SHANK1: variants seen among roughly 807,000 people sequenced by gnomAD.
The protein encoded by SHANK1 is SH3 and multiple ankyrin repeat domains protein 1.
Under a neutral mutation model 165.6 loss-of-function variants are expected in SHANK1, and 35 were observed. The ratio of observed to expected loss-of-function variants is 0.21; its 90% CI spans 0.16 to 0.28. The LOEUF is 0.28. SHANK1 is among the 10% of genes least tolerant of loss of function. The pLI is 1.00. For missense variants in SHANK1, 2,681 were observed against 3,036.4 expected, an observed-to-expected ratio of 0.88 and a Z score of 2.75; for synonymous variants, 1,428 against 1,384.8, an observed-to-expected ratio of 1.03 and a Z score of -0.69.
intron 15 of SHANK1, among the ~76,000 whole-genome samples, chr19:50,695,533 C>T (rs1378827950): frequency 6.6e-6 from 1 of 151,576 alleles, no homozygotes; most frequent in African/African-American, 2.4e-5. Flanking sequence ...TAATCCCCCT[C>T]CCCCCTCCAG....
intron 6 of SHANK1, among the ~76,000 whole-genome samples, chr19:50,712,460 T>C (rs1040809452): frequency 6.6e-6 from 1 of 152,174 alleles, no homozygotes; most frequent in Non-Finnish European, 1.5e-5. Context: ...AGGTGGGTTG[T>C]TGGGGACAAG....
In SHANK1 at chr19:50,670,722, A is replaced by T. The variant is rs569118817; in HGVS notation, c.2674+1296T>A. On this transcript the variant is annotated intron_variant, in intron 22 of 23. Coordinates refer to ENST00000293441, the MANE Select transcript of SHANK1 (RefSeq NM_016148.5). The surrounding 1 kb of genome is among the most constrained non-coding windows in gnomAD (Gnocchi z 4.1). Reference sequence around the variant, plus strand: ...CCGACCTCAGGACCTTTGCAGAGGTAGTTCGCTCTGCCTGGAATGCCTCAA... The same window carrying T: ...CCGACCTCAGGACCTTTGCAGAGGTTGTTCGCTCTGCCTGGAATGCCTCAA... Among the ~76,000 whole-genome samples the T allele has an allele frequency of 6.6e-6, 1 of 152,226 alleles. No individual in the cohort carries two copies. Among genetic ancestry groups the T allele is most frequent in the Non-Finnish European group, 1.5e-5 (1 of 68,014 alleles).
In SHANK1 at chr19:50,662,716, A is replaced by G. The variant is rs1319839954; in HGVS notation, c.5769-34T>C. On this transcript the variant is annotated intron_variant, in intron 23 of 23. Transcript: ENST00000293441. The surrounding 1 kb of genome is among the most constrained non-coding windows in gnomAD (Gnocchi z 7.7). Reference sequence around the variant, plus strand: ...TGACAAGGGGGCAGTGGGGGAGGACAGGGATTTAGGGGGCAAGGGCAGGGG... The same window carrying G: ...TGACAAGGGGGCAGTGGGGGAGGACGGGGATTTAGGGGGCAAGGGCAGGGG... The G allele has an allele frequency of 1.7e-5, 23 of 1,341,236 alleles. No individual in the cohort carries two copies. Among genetic ancestry groups the G allele is most frequent in the Non-Finnish European group, 2.2e-5 (22 of 1,006,460 alleles). The allele number at this position is 1,341,236 out of a possible 1,614,324, so 83.1% of individuals were successfully genotyped here.
At position 50,686,279 on chromosome 19, in the gene SHANK1, C is replaced by T. The variant is rs1198779088; in HGVS notation, c.2535G>A (p.Ala845=). Reference sequence around the variant, plus strand: ...CTTTGGGTCGGTGTTTGCCCAGGGACGCGAGGCCACCGGGACCAGGGCTTT... The same window carrying T: ...CTTTGGGTCGGTGTTTGCCCAGGGATGCGAGGCCACCGGGACCAGGGCTTT... The part of the protein sequence containing the change: ...ASESPGPGGL[A]SLGKHRPKGF... Residue 845 remains alanine, a synonymous_variant, in exon 21 of 24, where the codon GCG becomes GCA. Transcript: ENST00000293441. The surrounding 1 kb of genome is among the most constrained non-coding windows in gnomAD (Gnocchi z 5.7). 5 of 1,607,004 alleles carry T rather than the reference C, an allele frequency of 3.1e-6. No individual in the cohort carries two copies. Among genetic ancestry groups the T allele is most frequent in the Middle Eastern group, 1.7e-4 (1 of 6,030 alleles).
Position 50,666,406 on chromosome 19 carries a change from G to T in SHANK1, c.5554C>A (p.Pro1852Thr). The change falls in exon 23 of 24, where the codon CCC becomes ACC. Residue 1852 changes from proline to threonine, a missense_variant. Pro to Thr is a conservative substitution (Grantham distance 38). Around this residue, in one of 10 missense-constraint regions of SHANK1, gnomAD observed 1,713 missense variants for 1,630.2 expected, o/e 1.05. Transcript: ENST00000293441. ...EGPGPPPPPL[P>T]GPLAQPQASA... ...GCCTGAGGCTGGGCCAAGGGCCCGG[G>T]CAGAGGTGGTGGCGGTGGGCCCGGG... is the stretch of plus-strand genomic sequence containing the variant. The T allele has an allele frequency of 6.2e-7, 1 of 1,612,756 alleles. No homozygotes were observed. Among genetic ancestry groups the T allele is most frequent in the South Asian group, 1.1e-5 (1 of 91,010 alleles).
chr19:50,707,876 TTTTTCTTTTC>T (rs60019205), intron 8 of SHANK1, among the ~76,000 whole-genome samples: 3,127 of 94,086 alleles, frequency 0.033, 53 homozygotes, highest in East Asian at 0.075. Flanking sequence ...CTTTTGCGTG[TTTTTCTTTTC>T]TTTTCTTTTC....
Position 50,661,111 on chromosome 19 carries a change from G to C in SHANK1, c.*854C>G, listed in dbSNP as rs1985197857. ...GTGTGCAAGGGCTGAGCAAAGAGCA[G>C]GGCACTCCAGAGAATGAATGATGTG... On this transcript the variant is annotated 3_prime_UTR_variant, in exon 24 of 24. Transcript: ENST00000293441. Among the ~76,000 whole-genome samples, 1 of 152,102 alleles carries C rather than the reference G, an allele frequency of 6.6e-6. No individual in the cohort carries two copies. The highest frequency in any genetic ancestry group is 2.1e-4 in the South Asian group (1 of 4,816).
intron 23 of SHANK1, among the ~76,000 whole-genome samples, chr19:50,665,718 CAG>C (rs1477207376): frequency 9.7e-6 from 1 of 102,974 alleles, no homozygotes; most frequent in African/African-American, 4.4e-5. Flanking sequence ...AGCCGGGTGA[CAG>C]AGTGAGACCC....
Position 50,667,903 on chromosome 19 carries a change from G to T in SHANK1, c.4057C>A (p.Leu1353Met). 1 of 1,338,816 alleles carries T rather than the reference G, an allele frequency of 7.5e-7. No individual in the cohort carries two copies. The highest frequency in any genetic ancestry group is 9.5e-7 in the Non-Finnish European group (1 of 1,049,400). 82.9% of individuals were successfully genotyped at this position (1,338,816 alleles called of 1,614,324 possible). A position where few individuals can be genotyped will look rare whatever the true frequency, so the allele number is the denominator to read the frequency against. ...TGKALDPASP[L>M]GLALAARERA... ...TCGCGGGCGGCCAGGGCCAGCCCCA[G>T]CGGGGAGGCGGGATCCAGGGCCTTG... Residue 1353 changes from leucine (L) to methionine (M), a missense_variant, in exon 23 of 24, where the codon CTG (leucine) becomes ATG (methionine). Leu to Met is a conservative substitution (Grantham distance 15). Around this residue, in one of 10 missense-constraint regions of SHANK1, gnomAD observed 1,713 missense variants for 1,630.2 expected, o/e 1.05. Transcript: ENST00000293441. This position sits in a 1 kb window ranked among gnomAD's most constrained non-coding sequence, Gnocchi z 5.7.
At chr19:50,700,986 T>C (rs912774169) in intron 12 of SHANK1, among the ~76,000 whole-genome samples, 6 of 152,102 alleles carry the variant, frequency 3.9e-5, no homozygotes, top group African/African-American at 1.4e-4. Context: ...CAGTGACTTA[T>C]GACCTCACCT....
At chr19:50,701,837 A>T (rs920992282) in intron 12 of SHANK1, among the ~76,000 whole-genome samples, 1 of 152,210 alleles carries the variant, frequency 6.6e-6, no homozygotes, top group African/African-American at 2.4e-5. Flanking sequence ...AAAGCCTATA[A>T]GCAGGGGAGA....
rs1031043136 is a variant in SHANK1 at position 50,686,441 on chromosome 19, C to G, written c.2459-86G>C. The G allele has an allele frequency of 6.4e-5, 63 of 982,722 alleles. No homozygotes were observed. Among genetic ancestry groups the G allele is most frequent in the Non-Finnish European group, 9.6e-5 (62 of 648,710 alleles). The allele number at this position is 982,722 out of a possible 1,614,324, so 60.9% of individuals were successfully genotyped here. Reference sequence around the variant, plus strand: ...GGCCGCAAAGACCAGAGCTGCCGCCCGCAGTTCATCCAGCACCTGGATCAA... The same window carrying G: ...GGCCGCAAAGACCAGAGCTGCCGCCGGCAGTTCATCCAGCACCTGGATCAA... On this transcript the variant is annotated intron_variant, in intron 20 of 23. Transcript: ENST00000293441. This position sits in a 1 kb window ranked among gnomAD's most constrained non-coding sequence, Gnocchi z 5.7.
In SHANK1 at chr19:50,686,684, A is replaced by T; in HGVS notation, c.2458+60T>A. On this transcript the variant is annotated intron_variant, in intron 20 of 23. Coordinates refer to ENST00000293441, the MANE Select transcript of SHANK1 (RefSeq NM_016148.5). The surrounding 1 kb of genome is among the most constrained non-coding windows in gnomAD (Gnocchi z 5.7). ...CCGTGGGGTTCATGGTGGGACAGGGATGCAGCGGGTGCCGGGGCTGGGGCC... is the reference window on the plus strand; with the variant it reads ...CCGTGGGGTTCATGGTGGGACAGGGTTGCAGCGGGTGCCGGGGCTGGGGCC... 3 of 1,504,708 alleles carry T rather than the reference A, an allele frequency of 2.0e-6. No homozygotes were observed. The highest frequency in any genetic ancestry group is 2.8e-6 in the Non-Finnish European group (3 of 1,085,120). The allele number at this position is 1,504,708 out of a possible 1,614,324, so 93.2% of individuals were successfully genotyped here. A position where few individuals can be genotyped will look rare whatever the true frequency, so the allele number is the denominator to read the frequency against.
rs1012197713 is a variant in SHANK1, at chr19:50,667,601, G to C, written c.4359C>G (p.Pro1453=). The change falls in exon 23 of 24, where the codon CCC becomes CCG. Residue 1453 remains proline (P), a synonymous_variant. Transcript: ENST00000293441. This position sits in a 1 kb window ranked among gnomAD's most constrained non-coding sequence, Gnocchi z 5.7. ...GCTGCAGCAGGAGGGGCCCCACCCC[G>C]GGAGCGGTGGGCGGCAGGCGGTGTA... The part of the protein sequence containing the change: ...SLLHRLPPTA[P]GVGPLLLQLG... 3.5e-6 allele frequency: 5 copies of C among 1,437,522 alleles called. No homozygotes were observed. In the African/African-American group the frequency reaches 4.5e-5, roughly 13 times the overall value. 89.0% of individuals were successfully genotyped at this position (1,437,522 alleles called of 1,614,324 possible).
chr19:50,712,134 C>A lies in SHANK1; in HGVS notation c.793-20G>T, dbSNP rs1435520527. 1 of 1,556,820 alleles carries A rather than the reference C, an allele frequency of 6.4e-7. No individual in the cohort carries two copies. Among genetic ancestry groups the A allele is most frequent in the South Asian group, 1.2e-5 (1 of 81,420 alleles). On this transcript the variant is annotated intron_variant, in intron 6 of 23. Coordinates refer to ENST00000293441, the MANE Select transcript of SHANK1 (RefSeq NM_016148.5). ...GAGCGCCTAGGAACGGAGAGAGAAC[C>A]CAGTAGAAAAACACAGATGACAGTC...
chr19:50,691,472 C>T (rs893181021), intron 15 of SHANK1, among the ~76,000 whole-genome samples: 4 of 152,080 alleles, frequency 2.6e-5, no homozygotes, highest in African/African-American at 9.7e-5. Context: ...TCTCTCTTGC[C>T]CCCTCATCAG....
intron 15 of SHANK1, among the ~76,000 whole-genome samples, chr19:50,693,929 G>A (rs1429172214): frequency 1.3e-5 from 2 of 151,996 alleles, no homozygotes; most frequent in African/African-American, 2.4e-5. Flanking sequence ...TTGAAGTAGG[G>A]GCCTGTGGGG....
chr19:50,711,133 C>T, intron 8 of SHANK1: 1 of 523,608 alleles, frequency 1.9e-6, no homozygotes, highest in Non-Finnish European at 3.5e-6. Flanking sequence ...ACACTTTGTC[C>T]CCAGCACCCA....
rs747776990 is a variant in SHANK1, at chr19:50,668,322, G to A, written c.3638C>T (p.Pro1213Leu). The A allele has an allele frequency of 9.4e-5, 120 of 1,276,554 alleles. No individual in the cohort carries two copies. The highest frequency in any genetic ancestry group is 8.4e-5 in the Non-Finnish European group (85 of 1,015,042). The allele number at this position is 1,276,554 out of a possible 1,614,324, so 79.1% of individuals were successfully genotyped here. A position where few individuals can be genotyped will look rare whatever the true frequency, so the allele number is the denominator to read the frequency against. Reference protein sequence around the residue: ...AMSPVPPSPSPVPTPASPSGP... With the variant: ...AMSPVPPSPSLVPTPASPSGP... ...GCTGGGCGAGGCGGGGGTGGGCACGGGCGAGGGGGACGGGGGCACGGGTGA... is the reference window on the plus strand; with the variant it reads ...GCTGGGCGAGGCGGGGGTGGGCACGAGCGAGGGGGACGGGGGCACGGGTGA... Residue 1213 changes from proline (P) to leucine (L), a missense_variant, in exon 23 of 24, where the codon CCC becomes CTC. Around this residue, in one of 10 missense-constraint regions of SHANK1, gnomAD observed 1,713 missense variants for 1,630.2 expected, o/e 1.05. Coordinates refer to ENST00000293441, the MANE Select transcript of SHANK1 (RefSeq NM_016148.5).
Sources: gnomAD v4.1 joint callset for allele counts (sites outside exome capture counted in the v4.1 genomes callset) on GRCh38, gnomAD v4.1.1 for gene constraint, gnomAD v4.1.1 regional missense constraint, Gnocchi (gnomAD v3.1) non-coding constraint, MANE v1.5 for transcripts, NCBI Gene and HGNC (gene_info 2026-07-23, HGNC 2026-07-21) for gene names.